Variants in DNHD1 observed in about 807,000 individuals in gnomAD.
DNHD1 encodes the protein dynein heavy chain domain 1.
DNHD1 carries 383 observed loss-of-function variants against 458.1 expected under a neutral mutation model. The ratio of observed to expected loss-of-function variants is 0.84; its 90% CI spans 0.77 to 0.91. The LOEUF (loss-of-function observed/expected upper bound fraction) is 0.91. DNHD1 is among the 40% of genes least tolerant of loss of function. The pLI, the probability that DNHD1 is intolerant of heterozygous loss-of-function variation, is 0.00. For missense variants in DNHD1, 5,336 were observed against 5,866.1 expected (o/e 0.91, Z 2.95); for synonymous variants, 2,203 against 2,376.9 (o/e 0.93, Z 2.13).
rs576420966 is a variant in DNHD1, at chr11:6,564,379, G to A, written c.10331G>A (p.Cys3444Tyr). Residue 3444 changes from cysteine (C) to tyrosine (Y), a missense_variant, in exon 32 of 43, where the codon TGT becomes TAT. Cys to Tyr is a radical substitution (Grantham distance 194). Coordinates refer to ENST00000254579, the MANE Select transcript of DNHD1 (RefSeq NM_144666.3). ...ACTGTGTTTGGAGATACCCTCCTAT[G>A]TTCAGCTGCCATCATCTACCTGGGT... The part of the protein sequence containing the change: ...CMTVFGDTLL[C>Y]SAAIIYLGPF... 1.3e-6 allele frequency: 2 copies of A among 1,550,988 alleles called. No homozygotes were observed. The highest frequency in any genetic ancestry group is 4.9e-5 in the East Asian group (2 of 40,894).
intron 14 of DNHD1, among the ~76,000 whole-genome samples, chr11:6,537,019 T>C (rs1852965717): frequency 6.6e-6 from 1 of 152,204 alleles, no homozygotes; most frequent in African/African-American, 2.4e-5. Context: ...GATGTGCACA[T>C]GTGTAAGATG....
chr11:6,498,692 G>T lies in DNHD1; in HGVS notation c.477G>T (p.Arg159Ser). ...CCCAGAAGCGGAGGCTCCATCACAG[G>T]CCCCCATGCCCAGCTTGCCCTTTTG... is the stretch of plus-strand genomic sequence containing the variant. ...CCPQKRRLHH[R>S]PPCPACPFVQ... The change falls in exon 3 of 43, where the codon AGG becomes AGT. Residue 159 changes from arginine to serine, a missense_variant. Around this residue, in one of 4 missense-constraint regions of DNHD1, gnomAD observed 3,932 missense variants for 4,365.6 expected, o/e 0.90. Transcript: ENST00000254579. 1.2e-6 allele frequency: 2 copies of T among 1,614,180 alleles called. No individual in the cohort carries two copies. The highest frequency in any genetic ancestry group is 1.3e-5 in the African/African-American group (1 of 75,026).
At chr11:6,533,255 T>G in intron 13 of DNHD1, 71 bp downstream of exon 13, 3 of 1,442,910 alleles carry the variant, frequency 2.1e-6, no homozygotes, top group Non-Finnish European at 2.8e-6. Flanking sequence ...GCACACTCTC[T>G]TCAGGTCTCT....
Position 6,509,277 on chromosome 11 carries a change from G to A in DNHD1, c.1235+5G>A. The A allele has an allele frequency of 1.2e-6, 2 of 1,604,722 alleles. No homozygotes were observed. Among genetic ancestry groups the A allele is most frequent in the South Asian group, 2.2e-5 (2 of 89,054 alleles). ...TGGGCTACTCCATATTAGCAGGTGA[G>A]GTATTAAAAACACAACTTCATTGAG... On this transcript the variant is annotated splice_donor_5th_base_variant and intron_variant, in intron 6 of 42. Coordinates refer to ENST00000254579, the MANE Select transcript of DNHD1 (RefSeq NM_144666.3).
intron 7 of DNHD1, among the ~76,000 whole-genome samples, chr11:6,517,652 C>CTTTTTTTTTTTTTTTTTTTTTTTT (rs59300977): frequency 3.4e-5 from 2 of 59,050 alleles, no homozygotes; most frequent in African/African-American, 1.1e-4. Context: ...TCTAGGACTT[C>CTTTTTTTTTTTTTTTTTTTTTTTT]TTTTTTTTTT....
At chr11:6,499,260 T>C (rs1852090932) in intron 3 of DNHD1, among the ~76,000 whole-genome samples, 1 of 152,238 alleles carries the variant, frequency 6.6e-6, no homozygotes, top group South Asian at 2.1e-4. Context: ...CCAGGTTTTT[T>C]TCTTAGATGA....
Position 6,557,107 on chromosome 11 carries a change from G to A in DNHD1, c.7812G>A (p.Leu2604=), listed in dbSNP as rs1403623796. Residue 2604 remains leucine, a synonymous_variant, in exon 25 of 43, where the codon CTG becomes CTA. Transcript: ENST00000254579. Reference sequence around the variant, plus strand: ...ACCTACTGAGCAGCCTGCAGCTGCTGCCCAACAGAACAGGCTCCCGAGGTT... The same window carrying A: ...ACCTACTGAGCAGCCTGCAGCTGCTACCCAACAGAACAGGCTCCCGAGGTT... ...VSHLLSSLQL[L]PNRTGSRGFV... The A allele has an allele frequency of 2.6e-6, 4 of 1,551,740 alleles. No homozygotes were observed. The highest frequency in any genetic ancestry group is 2.6e-6 in the Non-Finnish European group (3 of 1,146,996).
At chr11:6,520,858 C>T (rs1246616442) in intron 10 of DNHD1, 13 of 987,828 alleles carry the variant, frequency 1.3e-5, no homozygotes, top group South Asian at 4.6e-5. Flanking sequence ...TCATTAAATG[C>T]AATCAGTCAC....
chr11:6,534,722 T>C (rs1004842785), intron 14 of DNHD1, among the ~76,000 whole-genome samples: 1 of 152,126 alleles, frequency 6.6e-6, no homozygotes, highest in African/African-American at 2.4e-5. Flanking sequence ...CTTAAAGAAC[T>C]CTGTGGGCTC....
At chr11:6,553,653 A>C (rs932550466) in intron 24 of DNHD1, among the ~76,000 whole-genome samples, 1 of 152,244 alleles carries the variant, frequency 6.6e-6, no homozygotes, top group Non-Finnish European at 1.5e-5. Flanking sequence ...CATCAGGGTC[A>C]CAGGATACAG....
chr11:6,535,908 T>TAA (rs58778308), intron 14 of DNHD1, among the ~76,000 whole-genome samples: 3 of 150,628 alleles, frequency 2.0e-5, no homozygotes, highest in African/African-American at 4.9e-5. Flanking sequence ...TTATTTGTTG[T>TAA]AAAAAAAAAG....
chr11:6,567,930 A>C, intron 36 of DNHD1, 70 bp downstream of exon 36: 1 of 1,489,066 alleles, frequency 6.7e-7, no homozygotes, highest in Non-Finnish European at 8.9e-7. Flanking sequence ...GACCCCCTCC[A>C]AGCATTTTCA....
rs555539087 is a variant in DNHD1 at position 6,512,415 on chromosome 11, G to A, written c.1392+986G>A. On this transcript the variant is annotated intron_variant, in intron 7 of 42. Coordinates refer to ENST00000254579, the MANE Select transcript of DNHD1 (RefSeq NM_144666.3). ...TTTTTTGTATTTTTAGTAGAGATGG[G>A]GTTTCACTGTGTTAGCCAGGATGGT... Among the ~76,000 whole-genome samples, 5 of 151,278 alleles carry A rather than the reference G, an allele frequency of 3.3e-5. No individual in the cohort carries two copies. The South Asian group carries it at 8.4e-4, about 25-fold the overall frequency.
rs1853635336 is a variant in DNHD1 at position 6,563,848 on chromosome 11, T to A, written c.10008T>A (p.Tyr3336Ter). The change falls in exon 31 of 43, where the codon TAT (tyrosine) becomes TAA (stop). Residue 3336 changes from tyrosine (Y) to a stop codon, truncating the protein, a stop_gained. Transcript: ENST00000254579. LOFTEE classifies it high-confidence loss of function. ...CCTGGCTCTGGGCTGTTCTGCACTA[T>A]GGGCTGGCGCATTGCCGGGGACTGC... is the stretch of plus-strand genomic sequence containing the variant. Reference protein sequence around the residue: ...LAAWLWAVLHYGLAHCRGLPT... With the variant: ...LAAWLWAVLH 1 of 1,551,706 alleles carries A rather than the reference T, an allele frequency of 6.4e-7. No individual in the cohort carries two copies. Among genetic ancestry groups the A allele is most frequent in the Non-Finnish European group, 8.7e-7 (1 of 1,146,998 alleles).
chr11:6,564,039 G>A lies in DNHD1; in HGVS notation c.10199G>A (p.Ser3400Asn), dbSNP rs760877142. ...CACAACTGCGTGGCAAAGACCCTCA[G>A]TCAAGCACAGTGTGGGCAGTATCAC... ...ASHNCVAKTLSQAQCGQYHKW... is the reference protein window; with the variant it reads ...ASHNCVAKTLNQAQCGQYHKW... Residue 3400 changes from serine (S) to asparagine (N), a missense_variant, in exon 31 of 43, where the codon AGT (serine) becomes AAT (asparagine). Ser to Asn is a conservative substitution (Grantham distance 46). Around this residue, in one of 4 missense-constraint regions of DNHD1, gnomAD observed 3,932 missense variants for 4,365.6 expected, o/e 0.90. Coordinates refer to ENST00000254579, the MANE Select transcript of DNHD1 (RefSeq NM_144666.3). 43 of 1,551,594 alleles carry A rather than the reference G, an allele frequency of 2.8e-5. No homozygotes were observed. In the South Asian group the frequency reaches 5.0e-4, roughly 18 times the overall value.
chr11:6,517,649 CTTCTTTTTTTTTTTTTTTTTT>C (rs984070069), intron 7 of DNHD1, among the ~76,000 whole-genome samples: 1 of 85,614 alleles, frequency 1.2e-5, no homozygotes, highest in Non-Finnish European at 2.3e-5. Flanking sequence ...TGATCTAGGA[CTTCTTTTTTTTTTTTTTTTTT>C]TTTTTTTTTT....
In DNHD1 at chr11:6,545,683, C is replaced by T. The variant is rs187774531; in HGVS notation, c.4744C>T (p.Arg1582Trp). Residue 1582 changes from arginine to tryptophan, a missense_variant, in exon 21 of 43, where the codon CGG (arginine) becomes TGG (tryptophan). By Grantham distance (101) the Arg-to-Trp change is moderately radical. Transcript: ENST00000254579. The surrounding 1 kb of genome is among the most constrained non-coding windows in gnomAD (Gnocchi z 4.9). The part of the protein sequence containing the change: ...SALLVMAVTH[R>W]DIAQLLEQHQ... ...CCTGCTGGTCATGGCAGTGACTCAC[C>T]GGGATATAGCACAGCTGCTGGAACA... The T allele has an allele frequency of 2.2e-4, 347 of 1,551,690 alleles. 2 individuals carry two copies. In the African/African-American group the frequency reaches 4.3e-3, roughly 19 times the overall value.
intron 10 of DNHD1, 168 bp downstream of exon 10, chr11:6,520,457 G>A (rs1852583419): frequency 6.9e-7 from 1 of 1,452,410 alleles, no homozygotes; most frequent in Non-Finnish European, 9.1e-7. Context: ...GGGTAGAAAG[G>A]TCAGGGAATG....
At chr11:6,502,689 G>C (rs1852162416) in intron 3 of DNHD1, 64 bp from the exon 4 acceptor site, 8 of 1,451,640 alleles carry the variant, frequency 5.5e-6, no homozygotes, top group South Asian at 1.5e-5. Flanking sequence ...CAGTGGCAAG[G>C]CCTCCCTCTA....
Sources: gnomAD v4.1 joint callset for allele counts (sites outside exome capture counted in the v4.1 genomes callset) on GRCh38, gnomAD v4.1.1 for gene constraint, gnomAD v4.1.1 regional missense constraint, Gnocchi (gnomAD v3.1) non-coding constraint, MANE v1.5 for transcripts, NCBI Gene and HGNC (gene_info 2026-07-23, HGNC 2026-07-21) for gene names.